The following C4orf36 variants were observed in gnomAD, a reference collection of about 807,000 sequenced individuals.
C4orf36 encodes uncharacterized protein C4orf36.
A neutral mutation model predicts 12.2 loss-of-function variants in C4orf36; 11 were observed. The observed-to-expected ratio is 0.90, with a 90% CI of 0.57 to 1.49. The LOEUF is 1.49. Ranked by LOEUF, C4orf36 falls within the 40% of genes most tolerant of loss-of-function variation. The pLI is 0.00. For synonymous variants in C4orf36, 54 were observed against 51.3 expected (o/e 1.05, Z -0.22); for missense variants, 137 against 133.9 (o/e 1.02, Z -0.11).
At chr4:86,881,066 T>C (rs1321442131) in intron 4 of C4orf36, among the ~76,000 whole-genome samples, 1 of 151,226 alleles carries the variant, frequency 6.6e-6, no homozygotes, top group African/African-American at 2.4e-5. Context: ...TCTATCTATA[T>C]ATAAAATTCT....
upstream of C4orf36, among the ~76,000 whole-genome samples, chr4:86,892,757 G>A (rs1340081279): frequency 6.6e-6 from 1 of 152,254 alleles, no homozygotes; most frequent in African/African-American, 2.4e-5. Context: ...ACTGCAGTGG[G>A]TGAAGGCAGT....
intron 4 of C4orf36, among the ~76,000 whole-genome samples, chr4:86,878,473 T>C (rs542707529): frequency 2.0e-5 from 3 of 152,254 alleles, no homozygotes; most frequent in Non-Finnish European, 4.4e-5. Flanking sequence ...GACACTGACT[T>C]AACAATATAC....
chr4:86,907,167 G>A, the C4orf36 span, among the ~76,000 whole-genome samples: 1 of 152,178 alleles, frequency 6.6e-6, no homozygotes, highest in Non-Finnish European at 1.5e-5. Context: ...AGAGACCACT[G>A]GTGTGAGATG....
Position 86,884,298 on chromosome 4 carries a change from A to ACTTTTTTTTTTT in C4orf36, c.*2+3459_*2+3460insAAAAAAAAAAAG, listed in dbSNP as rs1560471171. 5.6e-5 allele frequency among the ~76,000 whole-genome samples: 7 copies of ACTTTTTTTTTTT among 125,250 alleles called. 3 individuals are homozygous for ACTTTTTTTTTTT. The highest frequency in any genetic ancestry group is 3.4e-5 in the Non-Finnish European group (2 of 59,620). The allele number at this position is 125,250 out of a possible 152,430, so 82.2% of individuals were successfully genotyped here. On this transcript the variant is annotated intron_variant, in intron 4 of 4. Coordinates refer to ENST00000295898, the MANE Select transcript of C4orf36 (RefSeq NM_144645.4). ...AAATTAGGCAGAAGGAAAAAGACTG[A>ACTTTTTTTTTTT]ATTTTTTTTTTTTTTTTTTTTTTTG...
chr4:86,876,584 T>A, intron 4 of C4orf36, 141 bp from the exon 5 acceptor site: 1 of 1,613,946 alleles, frequency 6.2e-7, no homozygotes, highest in Non-Finnish European at 8.5e-7. Context: ...ACCTGCAAAA[T>A]CTTTACATAC....
the C4orf36 span, among the ~76,000 whole-genome samples, chr4:86,917,923 G>T: frequency 2.9e-4 from 44 of 152,308 alleles, no homozygotes; most frequent in African/African-American, 9.9e-4. Context: ...ACTATCAGTA[G>T]GTATAGGAAT....
intron 4 of C4orf36, among the ~76,000 whole-genome samples, chr4:86,877,168 A>G (rs539515986): frequency 6.6e-6 from 1 of 152,334 alleles, no homozygotes; most frequent in Non-Finnish European, 1.5e-5. Context: ...ATTTTTAAAG[A>G]AAATTGAATT....
chr4:86,901,691 G>A, the C4orf36 span, among the ~76,000 whole-genome samples: 2 of 151,954 alleles, frequency 1.3e-5, no homozygotes, highest in South Asian at 2.1e-4. Context: ...GATTACAGGC[G>A]TGAGCAACCG....
chr4:86,898,759 TGATC>T, the C4orf36 span, among the ~76,000 whole-genome samples: 1 of 151,888 alleles, frequency 6.6e-6, no homozygotes, highest in East Asian at 1.9e-4. Context: ...TGGTGCTCTA[TGATC>T]GCACCTGTGA....
chr4:86,903,545 C>T, the C4orf36 span, among the ~76,000 whole-genome samples: 1 of 152,230 alleles, frequency 6.6e-6, no homozygotes, highest in African/African-American at 2.4e-5. Context: ...AGTGAAGCTG[C>T]AGACCTTCAT....
At chr4:86,930,016 G>GA in the C4orf36 span, among the ~76,000 whole-genome samples, 78 of 152,352 alleles carry the variant, frequency 5.1e-4, no homozygotes, top group Admixed American at 2.7e-3. Context: ...CTGGAACTTA[G>GA]AAGAGAGATG....
the C4orf36 span, among the ~76,000 whole-genome samples, chr4:86,916,770 A>T: frequency 6.6e-6 from 1 of 152,228 alleles, no homozygotes; most frequent in African/African-American, 2.4e-5. Context: ...ATGGTATTCC[A>T]CAGAGCACTG....
At chr4:86,901,430 C>G in the C4orf36 span, among the ~76,000 whole-genome samples, 1 of 151,620 alleles carries the variant, frequency 6.6e-6, no homozygotes, top group South Asian at 2.1e-4. Context: ...TTTTTTGAGA[C>G]GGAGTCTCTA....
the C4orf36 span, chr4:86,935,270 G>C: frequency 6.6e-6 from 1 of 152,474 alleles, no homozygotes; most frequent in Non-Finnish European, 1.5e-5. Flanking sequence ...ACCCAGGGCT[G>C]GGGGTCGATC....
intron 2 of C4orf36, among the ~76,000 whole-genome samples, chr4:86,889,451 G>A (rs1747308366): frequency 6.6e-6 from 1 of 152,112 alleles, no homozygotes; most frequent in Non-Finnish European, 1.5e-5. Flanking sequence ...TAAGGATTGT[G>A]TCGATTTGGA....
chr4:86,889,183 C>G (rs980676486), intron 2 of C4orf36, among the ~76,000 whole-genome samples: 31 of 151,918 alleles, frequency 2.0e-4, no homozygotes, highest in African/African-American at 7.5e-4. Context: ...AATCCCGTCT[C>G]TACTAAAAAT....
At chr4:86,930,116 C>T in the C4orf36 span, among the ~76,000 whole-genome samples, 7 of 152,186 alleles carry the variant, frequency 4.6e-5, no homozygotes, top group South Asian at 2.1e-4. Flanking sequence ...CCTGCTCCAC[C>T]GGGGCACTGT....
chr4:86,924,651 C>A, the C4orf36 span: 1 of 152,186 alleles, frequency 6.6e-6, no homozygotes, highest in Non-Finnish European at 1.5e-5. Flanking sequence ...CCTCTGATAT[C>A]TCTTAAAGCA....
At chr4:86,877,718 C>T (rs1746958909) in intron 4 of C4orf36, among the ~76,000 whole-genome samples, 1 of 152,142 alleles carries the variant, frequency 6.6e-6, no homozygotes. Context: ...CAGATAATGG[C>T]TTCTAAATAT....
Sources: allele counts gnomAD v4.1 joint callset (sites outside exome capture counted in the v4.1 genomes callset), GRCh38; gene constraint gnomAD v4.1.1; transcripts MANE v1.5; gene names NCBI Gene and HGNC (gene_info 2026-07-23, HGNC 2026-07-21).